Variants in IMMP2L observed in about 807,000 individuals in gnomAD.
IMMP2L encodes mitochondrial inner membrane protease subunit 2.
A neutral mutation model predicts 19.3 loss-of-function variants in IMMP2L; 18 were observed. The observed-to-expected ratio is 0.93, with a 90% CI of 0.64 to 1.38. The LOEUF (loss-of-function observed/expected upper bound fraction) is 1.38, where lower values mean the gene tolerates loss of function less well. Among genes scored for constraint, IMMP2L ranks in the 40% most tolerant of loss-of-function variants. The probability of loss-of-function intolerance (pLI) is 0.00; values close to 1 mark genes in which losing one functional copy is unlikely to be tolerated. For missense variants in IMMP2L, 233 were observed against 218.2 expected (o/e 1.07, Z -0.43); for synonymous variants, 76 against 73.0 (o/e 1.04, Z -0.21).
chr7:111,280,399 A>G (rs1018130862), intron 3 of IMMP2L, among the ~76,000 whole-genome samples: 2 of 152,094 alleles, frequency 1.3e-5, no homozygotes, highest in African/African-American at 4.8e-5. Context: ...TTATCCCAAG[A>G]TTGTATTTAT....
At chr7:111,285,944 T>C (rs192616629) in intron 3 of IMMP2L, among the ~76,000 whole-genome samples, 3 of 152,300 alleles carry the variant, frequency 2.0e-5, no homozygotes, top group Non-Finnish European at 4.4e-5. Context: ...GTAGGGGGGT[T>C]ATGTATGAAA....
chr7:110,736,655 A>G (rs1034924681), intron 5 of IMMP2L, among the ~76,000 whole-genome samples: 1 of 152,116 alleles, frequency 6.6e-6, no homozygotes, highest in Admixed American at 6.5e-5. Context: ...CCTTGGTGAG[A>G]TTTGTACTTA....
chr7:110,974,572 T>C (rs185163630), intron 3 of IMMP2L, among the ~76,000 whole-genome samples: 1 of 152,262 alleles, frequency 6.6e-6, no homozygotes, highest in Admixed American at 6.5e-5. Flanking sequence ...GCCTTACTGA[T>C]GCATACCATG....
chr7:110,957,373 T>C (rs1818459049), intron 4 of IMMP2L, among the ~76,000 whole-genome samples: 1 of 151,986 alleles, frequency 6.6e-6, no homozygotes, highest in Non-Finnish European at 1.5e-5. Flanking sequence ...AAAACTATCA[T>C]GCATGTCATA....
intron 3 of IMMP2L, among the ~76,000 whole-genome samples, chr7:111,131,483 G>T (rs1192352830): frequency 6.6e-6 from 1 of 151,858 alleles, no homozygotes; most frequent in Non-Finnish European, 1.5e-5. Context: ...AAGAAAAGAA[G>T]GAAACATTCA....
chr7:111,301,003 A>G (rs1352439532), intron 3 of IMMP2L, among the ~76,000 whole-genome samples: 1 of 152,148 alleles, frequency 6.6e-6, no homozygotes, highest in Non-Finnish European at 1.5e-5. Context: ...TTAGGTTCAT[A>G]GGAAACTGCC....
At chr7:110,737,457 G>T (rs917573015) in intron 5 of IMMP2L, among the ~76,000 whole-genome samples, 1 of 152,100 alleles carries the variant, frequency 6.6e-6, no homozygotes, top group Non-Finnish European at 1.5e-5. Flanking sequence ...AATCCTTCTG[G>T]GAATATAACT....
intron 3 of IMMP2L, among the ~76,000 whole-genome samples, chr7:111,175,966 G>C (rs1807013456): frequency 1.3e-5 from 2 of 151,866 alleles, no homozygotes; most frequent in Non-Finnish European, 2.9e-5. Context: ...CAAAAGATCT[G>C]AATAGATATT....
At chr7:111,284,121 G>A (rs1388081161) in intron 3 of IMMP2L, among the ~76,000 whole-genome samples, 3 of 151,832 alleles carry the variant, frequency 2.0e-5, no homozygotes, top group African/African-American at 4.8e-5. Flanking sequence ...AGTTCTCATG[G>A]CTCTGCCACA....
chr7:111,120,192 G>T (rs1413306680), intron 3 of IMMP2L, among the ~76,000 whole-genome samples: 1 of 152,116 alleles, frequency 6.6e-6, no homozygotes, highest in Non-Finnish European at 1.5e-5. Context: ...CTAGGTCTTT[G>T]TGTTACTGAT....
chr7:111,495,596 G>T (rs976911450), intron 2 of IMMP2L, among the ~76,000 whole-genome samples: 2 of 152,120 alleles, frequency 1.3e-5, no homozygotes, highest in Non-Finnish European at 2.9e-5. Context: ...AGGTTTGGAA[G>T]AATTTATCTT....
chr7:110,915,119 C>G (rs1813459950), intron 4 of IMMP2L, among the ~76,000 whole-genome samples: 1 of 152,176 alleles, frequency 6.6e-6, no homozygotes, highest in East Asian at 1.9e-4. Flanking sequence ...AAAACAGTAT[C>G]TTAAGAGGTA....
chr7:110,869,995 T>C (rs1808377387), intron 5 of IMMP2L, among the ~76,000 whole-genome samples: 1 of 152,142 alleles, frequency 6.6e-6, no homozygotes, highest in African/African-American at 2.4e-5. Context: ...ATAATTTCTT[T>C]TGGTGTCCCC....
chr7:111,210,534 A>G (rs1190403523), intron 3 of IMMP2L, among the ~76,000 whole-genome samples: 1 of 152,100 alleles, frequency 6.6e-6, no homozygotes, highest in Non-Finnish European at 1.5e-5. Context: ...TCTTCTCACT[A>G]CCATTGGAAA....
chr7:111,120,845 C>T (rs1800510263), intron 3 of IMMP2L, among the ~76,000 whole-genome samples: 1 of 151,914 alleles, frequency 6.6e-6, no homozygotes, highest in Admixed American at 6.6e-5. Flanking sequence ...ATCCTGTCTC[C>T]TGGGAACCTG....
intron 3 of IMMP2L, among the ~76,000 whole-genome samples, chr7:111,154,036 C>T (rs1488572306): frequency 6.6e-6 from 1 of 152,080 alleles, no homozygotes; most frequent in Non-Finnish European, 1.5e-5. Context: ...CAAGGCTCTC[C>T]TGTATCATTG....
chr7:110,788,036 G>C (rs981249996), intron 5 of IMMP2L, among the ~76,000 whole-genome samples: 1 of 151,650 alleles, frequency 6.6e-6, no homozygotes, highest in African/African-American at 2.4e-5. Flanking sequence ...CGATATCCCC[G>C]ATCATTATTT....
At chr7:110,911,091 T>C (rs1813011303) in intron 4 of IMMP2L, among the ~76,000 whole-genome samples, 2 of 152,178 alleles carry the variant, frequency 1.3e-5, no homozygotes, top group African/African-American at 4.8e-5. Context: ...TATAAATGTG[T>C]ATTTTTGAAT....
intron 3 of IMMP2L, among the ~76,000 whole-genome samples, chr7:110,985,433 T>C (rs1821754878): frequency 6.6e-6 from 1 of 152,136 alleles, no homozygotes; most frequent in Non-Finnish European, 1.5e-5. Context: ...TGCTATGAAA[T>C]TTAAGAAACA....
Sources: gnomAD v4.1 joint callset for allele counts (sites outside exome capture counted in the v4.1 genomes callset) on GRCh38, gnomAD v4.1.1 for gene constraint, MANE v1.5 for transcripts, NCBI Gene and HGNC (gene_info 2026-07-23, HGNC 2026-07-21) for gene names.